The following NTRK2 variants were observed in gnomAD, a reference collection of about 807,000 sequenced individuals.
NTRK2 encodes BDNF/NT-3 growth factors receptor.
Under a neutral mutation model 94.5 loss-of-function variants are expected in NTRK2, and 13 were observed. That is an observed-to-expected ratio of 0.14 (90% CI 0.09 to 0.22). NTRK2 has a LOEUF of 0.22. NTRK2 is among the 10% of genes least tolerant of loss of function. The pLI is 1.00. For missense variants in NTRK2, 639 were observed against 1,071.2 expected (o/e 0.60, Z 5.63); for synonymous variants, 372 against 407.4 (o/e 0.91, Z 1.05).
At chr9:84,752,686 CT>C (rs1395636988) in intron 12 of NTRK2, among the ~76,000 whole-genome samples, 1 of 152,004 alleles carries the variant, frequency 6.6e-6, no homozygotes, top group East Asian at 1.9e-4. Context: ...GATAACTTGT[CT>C]TTTTTTAGAG....
At chr9:84,858,067 C>G (rs866802372) in intron 12 of NTRK2, among the ~76,000 whole-genome samples, 1 of 152,142 alleles carries the variant, frequency 6.6e-6, no homozygotes, top group Non-Finnish European at 1.5e-5. Flanking sequence ...ATTGTTTTCT[C>G]TCCACACTCC....
rs1202209147 is a variant in NTRK2 at position 84,975,150 on chromosome 9, G to A, written c.2172+19633G>A. Among the ~76,000 whole-genome samples, 4 of 152,176 alleles carry A rather than the reference G, an allele frequency of 2.6e-5. No homozygotes were observed. The South Asian group carries it at 8.3e-4, about 32-fold the overall frequency. ...AGGGGCAGTTCTCAGAGGAAGGAAG[G>A]TTCCTTTGAGGAGTGGACAGCAAGA... On this transcript the variant is annotated intron_variant, in intron 17 of 18. Transcript: ENST00000277120.
intron 17 of NTRK2, among the ~76,000 whole-genome samples, chr9:84,957,838 G>A (rs926760026): frequency 6.6e-6 from 1 of 152,192 alleles, no homozygotes; most frequent in Admixed American, 6.5e-5. Context: ...GTGGAAACAA[G>A]TTTATTGTCC....
Position 84,854,946 on chromosome 9 carries a change from C to CA in NTRK2, c.1397-6066dup, listed in dbSNP as rs149925184. ...TGGCCAACAGAGCGAGACTCCGTCTCAAAAAAAAAAAAAAAAAAAAAAAAA... is the reference window on the plus strand; with the variant it reads ...TGGCCAACAGAGCGAGACTCCGTCTCAAAAAAAAAAAAAAAAAAAAAAAAAA... On this transcript the variant is annotated intron_variant, in intron 12 of 18. Transcript: ENST00000277120. 2.2e-3 allele frequency among the ~76,000 whole-genome samples: 138 copies of CA among 63,382 alleles called. 12 individuals carry two copies. The highest frequency in any genetic ancestry group is 6.1e-3 in the East Asian group (8 of 1,310). 41.6% of individuals were successfully genotyped at this position (63,382 alleles called of 152,430 possible). A position where few individuals can be genotyped will look rare whatever the true frequency, so the allele number is the denominator to read the frequency against.
rs756314762 is a variant in NTRK2, at chr9:84,727,971, A to G, written c.1159+12A>G. On this transcript the variant is annotated intron_variant, in intron 9 of 18. Coordinates refer to ENST00000277120, the MANE Select transcript of NTRK2 (RefSeq NM_006180.6). Reference sequence around the variant, plus strand: ...TGGAATTGACGATGGTGAGTAACTGACACTTTTGTATGTGGGGAGAAGATA... The same window carrying G: ...TGGAATTGACGATGGTGAGTAACTGGCACTTTTGTATGTGGGGAGAAGATA... 1.2e-6 allele frequency: 2 copies of G among 1,612,114 alleles called. No individual in the cohort carries two copies. The highest frequency in any genetic ancestry group is 1.7e-6 in the Non-Finnish European group (2 of 1,178,218).
intron 9 of NTRK2, among the ~76,000 whole-genome samples, chr9:84,730,199 A>G (rs1164309008): frequency 6.6e-6 from 1 of 152,152 alleles, no homozygotes; most frequent in Non-Finnish European, 1.5e-5. Flanking sequence ...GTTCTCTTTA[A>G]GTATTTACTT....
rs74563987 is a variant in NTRK2 at position 84,725,475 on chromosome 9, G to A, written c.853+1119G>A. 3.3e-3 allele frequency among the ~76,000 whole-genome samples: 500 copies of A among 152,218 alleles called. 20 individuals carry two copies. The East Asian group carries it at 0.086, about 26-fold the overall frequency. On this transcript the variant is annotated intron_variant, in intron 8 of 18. Transcript: ENST00000277120. ...CAAAATTCATTTGAGCATGGTGGAA[G>A]GAATGATGGGCCCTGGGTGTGGGGA...
chr9:84,780,752 A>G (rs1417422734), intron 12 of NTRK2, among the ~76,000 whole-genome samples: 1 of 152,232 alleles, frequency 6.6e-6, no homozygotes, highest in Non-Finnish European at 1.5e-5. Context: ...TCACTGGTCC[A>G]TAGTTCCTAC....
At chr9:84,992,725 A>C (rs1434974586) in intron 17 of NTRK2, among the ~76,000 whole-genome samples, 1 of 152,072 alleles carries the variant, frequency 6.6e-6, no homozygotes, top group Non-Finnish European at 1.5e-5. Context: ...GTCTGTAGTC[A>C]AGTTAATTGC....
chr9:84,684,454 C>G (rs553196304), intron 2 of NTRK2, among the ~76,000 whole-genome samples: 3 of 152,140 alleles, frequency 2.0e-5, no homozygotes, highest in African/African-American at 7.2e-5. Flanking sequence ...ACAGGGAATC[C>G]TTTCCCCATT....
At chr9:84,800,779 A>T (rs1363331665) in intron 12 of NTRK2, among the ~76,000 whole-genome samples, 15 of 152,162 alleles carry the variant, frequency 9.9e-5, no homozygotes, top group Non-Finnish European at 4.4e-5. Flanking sequence ...TCAAGAGGGC[A>T]CGAGCCCACC....
At chr9:84,668,886 G>A (rs1169329027), upstream of NTRK2, 7 of 152,222 alleles carry the variant, frequency 4.6e-5, no homozygotes. Context: ...TCAGGTTAAA[G>A]GATGAGAGAA....
At chr9:84,841,537 C>G (rs947624000) in intron 12 of NTRK2, among the ~76,000 whole-genome samples, 1 of 152,210 alleles carries the variant, frequency 6.6e-6, no homozygotes, top group Non-Finnish European at 1.5e-5. Flanking sequence ...GCACCGTACT[C>G]TCTCCCTACA....
chr9:84,991,441 G>C (rs887503002), intron 17 of NTRK2, among the ~76,000 whole-genome samples: 4 of 152,142 alleles, frequency 2.6e-5, no homozygotes, highest in African/African-American at 7.2e-5. Context: ...TTATCTATGC[G>C]AGTTTATCTG....
rs201726359 is a variant in NTRK2, at chr9:84,877,446, C to T, written c.1633+10015C>T. On this transcript the variant is annotated intron_variant, in intron 14 of 18. Transcript: ENST00000277120. ...AGTGGGTGGGTATGGATAGATGTTC[C>T]TCAAGGAAACCCTGCTGGCTAATGG... The T allele has an allele frequency of 8.0e-5, 85 of 1,065,944 alleles. No homozygotes were observed. In the African/African-American group the frequency reaches 1.3e-3, roughly 16 times the overall value. The allele number at this position is 1,065,944 out of a possible 1,614,324, so 66.0% of individuals were successfully genotyped here.
At chr9:84,885,862 T>C (rs1050301868) in intron 14 of NTRK2, among the ~76,000 whole-genome samples, 1 of 151,998 alleles carries the variant, frequency 6.6e-6, no homozygotes, top group Admixed American at 6.6e-5. Context: ...TGAAACCCCC[T>C]CTCTACTAAA....
At chr9:84,722,010 A>G (rs532760858) in intron 6 of NTRK2, among the ~76,000 whole-genome samples, 8 of 152,304 alleles carry the variant, frequency 5.3e-5, no homozygotes, top group Admixed American at 5.2e-4. Context: ...TTGTCATAGA[A>G]GTTGTGAAGA....
intron 12 of NTRK2, among the ~76,000 whole-genome samples, chr9:84,801,167 A>G (rs1407427784): frequency 1.3e-5 from 2 of 151,992 alleles, no homozygotes; most frequent in African/African-American, 2.4e-5. Flanking sequence ...TTTCATCTCT[A>G]TTGTAAAGTT....
At chr9:84,677,462 T>A (rs917974259) in intron 2 of NTRK2, among the ~76,000 whole-genome samples, 3 of 152,124 alleles carry the variant, frequency 2.0e-5, no homozygotes, top group African/African-American at 7.2e-5. Context: ...CTGAGACATA[T>A]TTTTGGTTGC....
Sources: allele counts gnomAD v4.1 joint callset (sites outside exome capture counted in the v4.1 genomes callset), GRCh38; gene constraint gnomAD v4.1.1; transcripts MANE v1.5; gene names NCBI Gene and HGNC (gene_info 2026-07-23, HGNC 2026-07-21).